The following SUSD6 variants were observed in gnomAD, a reference collection of about 807,000 sequenced individuals.
The protein encoded by SUSD6 is sushi domain-containing protein 6.
SUSD6 carries 16 observed loss-of-function variants against 28.4 expected under a neutral mutation model. The observed-to-expected ratio is 0.56, with a 90% CI of 0.38 to 0.86. The LOEUF is 0.86. SUSD6 is among the 40% of genes least tolerant of loss of function. The pLI, the probability that SUSD6 is intolerant of heterozygous loss-of-function variation, is 0.00. For synonymous variants in SUSD6, 147 were observed against 159.6 expected, an observed-to-expected ratio of 0.92 and a Z score of 0.59; for missense variants, 341 against 384.2, an observed-to-expected ratio of 0.89 and a Z score of 0.94.
In SUSD6 at chr14:69,643,060, G is replaced by C. The variant is rs1197595563; in HGVS notation, c.-80-15453G>C. ...TACCCTATGGTCTGGAAACTCTCAA[G>C]GGAGTTAAGTGGGGCAGTAGTAGGG... On this transcript the variant is annotated intron_variant, in intron 1 of 5. Transcript: ENST00000342745. 2.6e-5 allele frequency among the ~76,000 whole-genome samples: 4 copies of C among 152,184 alleles called. No individual in the cohort carries two copies. In the East Asian group the frequency reaches 7.7e-4, roughly 29 times the overall value.
chr14:69,665,816 T>C (rs1443584142), intron 2 of SUSD6, among the ~76,000 whole-genome samples: 2 of 152,276 alleles, frequency 1.3e-5, no homozygotes, highest in Non-Finnish European at 2.9e-5. Flanking sequence ...GGTTGAATAC[T>C]GCTTGCATTC....
chr14:69,656,229 A>C (rs1595044399), intron 1 of SUSD6, among the ~76,000 whole-genome samples: 3 of 126,730 alleles, frequency 2.4e-5, no homozygotes, highest in East Asian at 2.2e-4. Context: ...ACTCAGCATC[A>C]CCTCCTCTAG....
intron 2 of SUSD6, among the ~76,000 whole-genome samples, chr14:69,673,791 G>A (rs547289879): frequency 6.6e-6 from 1 of 152,276 alleles, no homozygotes; most frequent in East Asian, 1.9e-4. Flanking sequence ...ACCCTGAGCC[G>A]GGGTCCTGGG....
intron 1 of SUSD6, among the ~76,000 whole-genome samples, chr14:69,624,230 T>C (rs193241808): frequency 4.5e-4 from 69 of 152,378 alleles, no homozygotes; most frequent in African/African-American, 1.6e-3. Flanking sequence ...ATATCTGCTG[T>C]ACAGGTTTGT....
intron 1 of SUSD6, among the ~76,000 whole-genome samples, chr14:69,647,276 G>A (rs1375719400): frequency 6.6e-6 from 1 of 152,136 alleles, no homozygotes; most frequent in African/African-American, 2.4e-5. Context: ...TTTGTTGGAA[G>A]GATTAGTCAT....
intron 2 of SUSD6, among the ~76,000 whole-genome samples, chr14:69,671,756 T>C (rs547067548): frequency 1.3e-5 from 2 of 152,298 alleles, no homozygotes; most frequent in South Asian, 4.1e-4. Context: ...AGAGAACTAT[T>C]GTGACTTCCA....
At chr14:69,693,366 A>G (rs1010373362) in intron 2 of SUSD6, among the ~76,000 whole-genome samples, 1 of 152,160 alleles carries the variant, frequency 6.6e-6, no homozygotes, top group African/African-American at 2.4e-5. Flanking sequence ...TGAAAGGGTA[A>G]CAGGCCATAT....
chr14:69,669,352 G>A lies in SUSD6; in HGVS notation c.121+10639G>A, dbSNP rs372486564. ...GCTGGGATTACAGGCCTGAGCCAGT[G>A]CTCCTGGCCTCAAGTATTTCTTTAT... is the stretch of plus-strand genomic sequence containing the variant. On this transcript the variant is annotated intron_variant, in intron 2 of 5. Coordinates refer to ENST00000342745, the MANE Select transcript of SUSD6 (RefSeq NM_014734.4). Among the ~76,000 whole-genome samples, 13 of 152,308 alleles carry A rather than the reference G, an allele frequency of 8.5e-5. No homozygotes were observed. The East Asian group carries it at 1.7e-3, about 20-fold the overall frequency.
intron 2 of SUSD6, among the ~76,000 whole-genome samples, chr14:69,666,635 C>T (rs1312604697): frequency 6.6e-6 from 1 of 152,048 alleles, no homozygotes; most frequent in South Asian, 2.1e-4. Context: ...TTTAGGAGCC[C>T]CTTTCTACCT....
chr14:69,648,317 A>G (rs540665196), intron 1 of SUSD6, among the ~76,000 whole-genome samples: 2 of 152,340 alleles, frequency 1.3e-5, no homozygotes, highest in African/African-American at 2.4e-5. Context: ...AGAGAGATGA[A>G]GCAGCCTCCT....
rs114382570 is a variant in SUSD6, at chr14:69,693,809, G to C, written c.122-9586G>C. Among the ~76,000 whole-genome samples, 916 of 152,326 alleles carry C rather than the reference G, an allele frequency of 6.0e-3. 10 individuals are homozygous for C. Among genetic ancestry groups the C allele is most frequent in the African/African-American group, 0.021 (892 of 41,568 alleles). The stretch of plus-strand genomic sequence containing the variant: ...CCCTGGGTCAAACCCAGATTCATCT[G>C]TCTGACCCCCAAGACTATGCTCTTA... On this transcript the variant is annotated intron_variant, in intron 2 of 5. Transcript: ENST00000342745.
At chr14:69,620,415 A>C (rs1885020328) in intron 1 of SUSD6, among the ~76,000 whole-genome samples, 1 of 152,240 alleles carries the variant, frequency 6.6e-6, no homozygotes, top group Non-Finnish European at 1.5e-5. Flanking sequence ...TTGTCTGGCA[A>C]ATAATTAGTG....
intron 1 of SUSD6, among the ~76,000 whole-genome samples, chr14:69,643,041 A>G (rs958151325): frequency 6.6e-6 from 1 of 151,948 alleles, no homozygotes; most frequent in African/African-American, 2.4e-5. Flanking sequence ...GCCCTACCCT[A>G]TGGTCTGGAA....
intron 1 of SUSD6, among the ~76,000 whole-genome samples, chr14:69,627,776 C>A (rs1432316896): frequency 1.3e-5 from 2 of 151,916 alleles, no homozygotes; most frequent in East Asian, 3.9e-4. Flanking sequence ...GATGGTATTT[C>A]TAGTAAAAGT....
chr14:69,661,659 A>G (rs945249329), intron 2 of SUSD6, among the ~76,000 whole-genome samples: 1 of 152,158 alleles, frequency 6.6e-6, no homozygotes, highest in Non-Finnish European at 1.5e-5. Context: ...CCTGAAACCC[A>G]AAGCACACCT....
chr14:69,704,499 G>A, intron 3 of SUSD6, 105 bp from the exon 4 acceptor site: 1 of 1,137,670 alleles, frequency 8.8e-7, no homozygotes, highest in Non-Finnish European at 1.3e-6. Context: ...TAGGATGTCT[G>A]TATTGCACCA....
chr14:69,658,435 G>T, intron 1 of SUSD6, 78 bp from the exon 2 acceptor site: 1 of 673,884 alleles, frequency 1.5e-6, no homozygotes, highest in Non-Finnish European at 2.5e-6. Flanking sequence ...TGTGATTATG[G>T]CTTCCTTACC....
intron 1 of SUSD6, among the ~76,000 whole-genome samples, chr14:69,622,151 G>GT (rs148674063): frequency 0.038 from 5,705 of 152,132 alleles, 380 homozygotes; most frequent in African/African-American, 0.13. Flanking sequence ...GTTCTCCAGT[G>GT]TTTTTTTGGC....
At chr14:69,675,048 C>T (rs1212141062) in intron 2 of SUSD6, among the ~76,000 whole-genome samples, 2 of 152,068 alleles carry the variant, frequency 1.3e-5, no homozygotes, top group Non-Finnish European at 2.9e-5. Flanking sequence ...TCCCCCCCAC[C>T]CCTCTGCTTT....
Sources: allele counts gnomAD v4.1 joint callset (sites outside exome capture counted in the v4.1 genomes callset), GRCh38; gene constraint gnomAD v4.1.1; transcripts MANE v1.5; gene names NCBI Gene and HGNC (gene_info 2026-07-23, HGNC 2026-07-21).